The following LMNA variants were observed in gnomAD, a reference collection of about 807,000 sequenced individuals.
The protein encoded by LMNA is lamin.
A neutral mutation model predicts 70.4 loss-of-function variants in LMNA; 20 were observed. The ratio of observed to expected loss-of-function variants is 0.28; its 90% CI spans 0.20 to 0.41. The LOEUF (loss-of-function observed/expected upper bound fraction) is 0.41, where lower values mean the gene tolerates loss of function less well. Ranked by LOEUF, LMNA falls within the 10% of genes least tolerant of loss-of-function variation. The pLI is 1.00. For missense variants in LMNA, 652 were observed against 917.2 expected (o/e 0.71, Z 3.73); for synonymous variants, 339 against 372.8 (o/e 0.91, Z 1.04).
At chr1:156,105,671 C>T (rs1649305184) in intron 3 of LMNA, among the ~76,000 whole-genome samples, 1 of 152,186 alleles carries the variant, frequency 6.6e-6, no homozygotes, top group African/African-American at 2.4e-5. Context: ...CGGGCCCTTT[C>T]AAGACCCGAA....
At chr1:156,114,619 C>CCA, upstream of LMNA, 1 of 336,372 alleles carries the variant, frequency 3.0e-6, no homozygotes, top group Non-Finnish European at 5.4e-6. Flanking sequence ...CCCCCACCCC[C>CCA]AATGGATCTG....
upstream of LMNA, chr1:156,109,812 G>GTA (rs1649468709): frequency 3.6e-5 from 5 of 137,272 alleles, no homozygotes; most frequent in Non-Finnish European, 6.1e-5. Context: ...GTGTGTGTGT[G>GTA]TGTGTGCATA....
chr1:156,087,958 G>A (rs954368884), intron 2 of LMNA, among the ~76,000 whole-genome samples: 2 of 150,548 alleles, frequency 1.3e-5, no homozygotes, highest in African/African-American at 2.4e-5. Context: ...TGCAACCTCC[G>A]CCTCCTGGGT....
In LMNA at chr1:156,135,271, A is replaced by T; in HGVS notation, c.895A>T (p.Ile299Phe). Residue 299 changes from isoleucine to phenylalanine, a missense_variant, in exon 5 of 12, where the codon ATC becomes TTC. By Grantham distance (21) the Ile-to-Phe change is conservative. Transcript: ENST00000368300. This position sits in a 1 kb window ranked among gnomAD's most constrained non-coding sequence, Gnocchi z 4.8. Reference protein sequence around the residue: ...HEELQQSRIRIDSLSAQLSQL... With the variant: ...HEELQQSRIRFDSLSAQLSQL... The stretch of plus-strand genomic sequence containing the variant: ...GGAGCTGCAGCAGTCGCGCATCCGC[A>T]TCGACAGCCTCTCTGCCCAGCTCAG... 1 of 1,613,644 alleles carries T rather than the reference A, an allele frequency of 6.2e-7. No homozygotes were observed. The highest frequency in any genetic ancestry group is 8.5e-7 in the Non-Finnish European group (1 of 1,180,026).
chr1:156,095,963 G>A (rs1163580612), intron 3 of LMNA, among the ~76,000 whole-genome samples: 1 of 152,218 alleles, frequency 6.6e-6, no homozygotes, highest in African/African-American at 2.4e-5. Context: ...CCTGAGCAGA[G>A]GCGTGATCTA....
chr1:156,131,797 G>C (rs1481677275), intron 2 of LMNA, among the ~76,000 whole-genome samples: 2 of 152,102 alleles, frequency 1.3e-5, no homozygotes, highest in African/African-American at 4.8e-5. Flanking sequence ...ATTACATATG[G>C]GACATGTGTT....
chr1:156,135,691 A>G lies in LMNA; in HGVS notation c.937-210A>G. 1.6e-6 allele frequency: 1 copy of G among 606,592 alleles called. No individual in the cohort carries two copies. The highest frequency in any genetic ancestry group is 2.9e-6 in the Non-Finnish European group (1 of 343,240). The allele number at this position is 606,592 out of a possible 1,614,324, so 37.6% of individuals were successfully genotyped here. On this transcript the variant is annotated intron_variant, in intron 5 of 11. Coordinates refer to ENST00000368300, the MANE Select transcript of LMNA (RefSeq NM_170707.4). The surrounding 1 kb of genome is among the most constrained non-coding windows in gnomAD (Gnocchi z 4.8). ...GTCTAGCCTCAGAACGAGAGGTTTC[A>G]GTTAGACAAGGGGAAGGACTTCCCA... is the stretch of plus-strand genomic sequence containing the variant.
At position 156,138,662 on chromosome 1, in the gene LMNA, A is replaced by C. The variant is rs398124550; in HGVS notation, c.1873A>C (p.Ser625Arg). 49 of 1,613,618 alleles carry C rather than the reference A, an allele frequency of 3.0e-5. No individual in the cohort carries two copies. In the African/African-American group the frequency reaches 5.9e-4, roughly 19 times the overall value. ...SSASSVTVTRSYRSVGGSGGG... is the reference protein window; with the variant it reads ...SSASSVTVTRRYRSVGGSGGG... ...TGCCTCCAGTGTCACGGTCACTCGCAGCTACCGCAGTGTGGGGGGCAGTGG... is the reference window on the plus strand; with the variant it reads ...TGCCTCCAGTGTCACGGTCACTCGCCGCTACCGCAGTGTGGGGGGCAGTGG... The change falls in exon 11 of 12, where the codon AGC (serine) becomes CGC (arginine). Residue 625 changes from serine to arginine, a missense_variant. By Grantham distance (110) the Ser-to-Arg change is moderately radical (BLOSUM62 -1). Coordinates refer to ENST00000368300, the MANE Select transcript of LMNA (RefSeq NM_170707.4). The surrounding 1 kb of genome is among the most constrained non-coding windows in gnomAD (Gnocchi z 5.5).
Position 156,139,858 on chromosome 1 carries a change from C to A in LMNA, c.*752C>A. 1 of 1,498,918 alleles carries A rather than the reference C, an allele frequency of 6.7e-7. No homozygotes were observed. The highest frequency in any genetic ancestry group is 1.3e-5 in the South Asian group (1 of 77,698). The allele number at this position is 1,498,918 out of a possible 1,614,324, so 92.9% of individuals were successfully genotyped here. A position where few individuals can be genotyped will look rare whatever the true frequency, so the allele number is the denominator to read the frequency against. ...TCCCTAGCTTTAGACCCTGGGTGGG[C>A]TCTGTGCAGTCACTGGAGGTTGAAG... On this transcript the variant is annotated 3_prime_UTR_variant, in exon 12 of 12. Transcript: ENST00000368300.
At chr1:156,092,024 TCTC>T (rs1648723594) in intron 3 of LMNA, among the ~76,000 whole-genome samples, 1 of 152,092 alleles carries the variant, frequency 6.6e-6, no homozygotes, top group Non-Finnish European at 1.5e-5. Context: ...TTCAAGCCAT[TCTC>T]CTGCCTCGGC....
intron 2 of LMNA, 140 bp downstream of exon 2, chr1:156,130,913 T>G: frequency 1.2e-6 from 1 of 806,964 alleles, no homozygotes; most frequent in Admixed American, 2.5e-5. Context: ...TAGAGTCATT[T>G]TACCCACTGA....
chr1:156,126,290 C>T (rs1650569594), intron 1 of LMNA: 2 of 1,204,726 alleles, frequency 1.7e-6, no homozygotes, highest in Admixed American at 2.8e-5. Context: ...CCTCCACCTC[C>T]CCTTTGTCTT....
chr1:156,096,944 C>G (rs966185248), intron 3 of LMNA, among the ~76,000 whole-genome samples: 1 of 152,210 alleles, frequency 6.6e-6, no homozygotes, highest in Non-Finnish European at 1.5e-5. Context: ...GGCAGACTCT[C>G]GCTCACCCCT....
rs930959725 is a variant in LMNA at position 156,130,477 on chromosome 1, C to T, written c.357-140C>T. On this transcript the variant is annotated intron_variant, in intron 1 of 11. Coordinates refer to ENST00000368300, the MANE Select transcript of LMNA (RefSeq NM_170707.4). ...AGCCCCAGAGGCAAGCAGATGCAAA[C>T]CAACCTAATGCAAGGATGCCCTCTC... The T allele has an allele frequency of 3.2e-6, 3 of 952,088 alleles. No individual in the cohort carries two copies. The African/African-American group carries it at 4.8e-5, about 15-fold the overall frequency. 59.0% of individuals were successfully genotyped at this position (952,088 alleles called of 1,614,324 possible).
rs928267131 is a variant in LMNA at position 156,136,896 on chromosome 1, T to C, written c.1381-25T>C. On this transcript the variant is annotated intron_variant, in intron 7 of 11. Transcript: ENST00000368300. This position sits in a 1 kb window ranked among gnomAD's most constrained non-coding sequence, Gnocchi z 6.1. ...AGAGCCTGGGTGAGCCTCCCCGACC[T>C]TCCTCTTCCCTATCTTCCCGGCAGG... 6.2e-7 allele frequency: 1 copy of C among 1,605,018 alleles called. No homozygotes were observed. The highest frequency in any genetic ancestry group is 1.7e-5 in the Admixed American group (1 of 59,058).
At chr1:156,117,969 A>ATTTTTTTTTTTTTTTTTTTTTTTTTTTT (rs1186679791) in intron 1 of LMNA, among the ~76,000 whole-genome samples, 1 of 91,906 alleles carries the variant, frequency 1.1e-5, no homozygotes. Context: ...CGCTTGGCTA[A>ATTTTTTTTTTTTTTTTTTTTTTTTTTTT]TTTTTTTTTT....
chr1:156,087,835 G>C lies in LMNA; in HGVS notation c.-318-2636G>C, dbSNP rs142036637. On this transcript the variant is annotated intron_variant, in intron 2 of 12. Coordinates refer to the LMNA transcript ENST00000368301. Reference sequence around the variant, plus strand: ...CCCAAAGTGCTGCGATTATAGGAATGAGCCACCATGCCCAGCCTTTCTTTC... The same window carrying C: ...CCCAAAGTGCTGCGATTATAGGAATCAGCCACCATGCCCAGCCTTTCTTTC... Among the ~76,000 whole-genome samples the C allele has an allele frequency of 2.6e-5, 4 of 151,770 alleles. No individual in the cohort carries two copies. In the East Asian group the frequency reaches 7.7e-4, roughly 29 times the overall value.
At chr1:156,102,202 C>T (rs1464946261) in intron 3 of LMNA, among the ~76,000 whole-genome samples, 1 of 152,200 alleles carries the variant, frequency 6.6e-6, no homozygotes, top group Admixed American at 6.5e-5. Flanking sequence ...CCGTGATACA[C>T]GGGGGCGGGA....
rs1161912001 is a variant in LMNA at position 156,135,473 on chromosome 1, G to A, written c.936+161G>A. 1 of 898,032 alleles carries A rather than the reference G, an allele frequency of 1.1e-6. No individual in the cohort carries two copies. The highest frequency in any genetic ancestry group is 1.7e-6 in the Non-Finnish European group (1 of 572,672). The allele number at this position is 898,032 out of a possible 1,614,324, so 55.6% of individuals were successfully genotyped here. A position where few individuals can be genotyped will look rare whatever the true frequency, so the allele number is the denominator to read the frequency against. Reference sequence around the variant, plus strand: ...ACAGAGAAGGGTCGCAGGATGTGGAGTCAGATGGCCTGTGTGCTGTTTCTG... The same window carrying A: ...ACAGAGAAGGGTCGCAGGATGTGGAATCAGATGGCCTGTGTGCTGTTTCTG... On this transcript the variant is annotated intron_variant, in intron 5 of 11. Coordinates refer to ENST00000368300, the MANE Select transcript of LMNA (RefSeq NM_170707.4). This position sits in a 1 kb window ranked among gnomAD's most constrained non-coding sequence, Gnocchi z 4.8.
Sources: gnomAD v4.1 joint callset for allele counts (sites outside exome capture counted in the v4.1 genomes callset) on GRCh38, gnomAD v4.1.1 for gene constraint, Gnocchi (gnomAD v3.1) non-coding constraint, MANE v1.5 for transcripts, NCBI Gene and HGNC (gene_info 2026-07-23, HGNC 2026-07-21) for gene names.